The following BAIAP2 variants were observed in gnomAD, a reference collection of about 807,000 sequenced individuals.
BAIAP2 encodes the protein BAR/IMD domain-containing adapter protein 2.
BAIAP2 carries 18 observed loss-of-function variants against 63.0 expected under a neutral mutation model. That is an observed-to-expected ratio of 0.29 (90% CI 0.20 to 0.42). BAIAP2 has a LOEUF of 0.42. Ranked by LOEUF, BAIAP2 falls within the 10% of genes least tolerant of loss-of-function variation. The pLI is 1.00. For missense variants in BAIAP2, 610 were observed against 734.3 expected (o/e 0.83, Z 1.96); for synonymous variants, 386 against 307.6 (o/e 1.25, Z -2.67).
intron 3 of BAIAP2, among the ~76,000 whole-genome samples, chr17:81,084,173 C>T (rs762454306): frequency 6.6e-6 from 1 of 152,186 alleles, no homozygotes; most frequent in Non-Finnish European, 1.5e-5. Context: ...GGGCCCTCAG[C>T]GATGGCAAGG....
intron 13 of BAIAP2, chr17:81,110,319 C>T (rs2059765005): frequency 1.0e-6 from 1 of 986,336 alleles, no homozygotes. Context: ...CGCCGGCGTT[C>T]CCGCTCCGCT....
chr17:81,057,635 C>T, intron 2 of BAIAP2: 1 of 1,273,922 alleles, frequency 7.8e-7, no homozygotes. Flanking sequence ...TTGAATAGCT[C>T]AGGACCTGAA....
intron 1 of BAIAP2, among the ~76,000 whole-genome samples, chr17:81,036,487 G>C (rs1324358945): frequency 6.6e-6 from 1 of 152,276 alleles, no homozygotes; most frequent in Non-Finnish European, 1.5e-5. Context: ...TCAGGCTTGG[G>C]AGAGCCAGAT....
At chr17:81,110,235 C>A in intron 13 of BAIAP2, 1 of 985,168 alleles carries the variant, frequency 1.0e-6, no homozygotes, top group Non-Finnish European at 1.2e-6. Flanking sequence ...GTGTGGGAAG[C>A]AGCTCAAGAC....
rs149761763 is a variant in BAIAP2, at chr17:81,078,152, G to C, written c.218-6680G>C. Reference sequence around the variant, plus strand: ...CTGTGGGTGCAGGTGCCATCTCGGAGCTGGATGCTGTGGGTGCGGGTGCCG... The same window carrying C: ...CTGTGGGTGCAGGTGCCATCTCGGACCTGGATGCTGTGGGTGCGGGTGCCG... On this transcript the variant is annotated intron_variant, in intron 3 of 13. Transcript: ENST00000428708. 5.9e-3 allele frequency among the ~76,000 whole-genome samples: 874 copies of C among 147,868 alleles called. 4 individuals carry two copies. The highest frequency in any genetic ancestry group is 0.021 in the African/African-American group (833 of 39,778).
intron 7 of BAIAP2, among the ~76,000 whole-genome samples, chr17:81,101,532 C>A (rs2058478841): frequency 6.6e-6 from 1 of 152,156 alleles, no homozygotes; most frequent in Non-Finnish European, 1.5e-5. Context: ...CCAGGGAGGC[C>A]CTGGTCATGT....
At chr17:81,098,096 G>GGCCA (rs2057939959) in intron 6 of BAIAP2, 1 of 1,364,988 alleles carries the variant, frequency 7.3e-7, no homozygotes, top group African/African-American at 1.5e-5. Flanking sequence ...GTCATGGAGG[G>GGCCA]GCCAGCGGGG....
chr17:81,111,130 C>T (rs1235112601), intron 13 of BAIAP2, among the ~76,000 whole-genome samples: 1 of 152,204 alleles, frequency 6.6e-6, no homozygotes, highest in East Asian at 1.9e-4. Flanking sequence ...ACTGGGTCCC[C>T]TCCTTGGGTT....
At chr17:81,070,524 A>G (rs1362116839) in intron 3 of BAIAP2, among the ~76,000 whole-genome samples, 2 of 152,072 alleles carry the variant, frequency 1.3e-5, no homozygotes, top group Non-Finnish European at 2.9e-5. Context: ...TGGAGGGAGG[A>G]GAGAGGCACA....
rs1427691236 is a variant in BAIAP2, at chr17:81,048,743, T to C, written c.55-4925T>C. Among the ~76,000 whole-genome samples the C allele has an allele frequency of 3.3e-5, 5 of 152,112 alleles. No homozygotes were observed. In the East Asian group the frequency reaches 5.8e-4, roughly 18 times the overall value. ...ATGCATAGCTGGGGTCCCTGGGGGC[T>C]GTAGTAGGGACAGCTAGGGTCCCTG... is the stretch of plus-strand genomic sequence containing the variant. On this transcript the variant is annotated intron_variant, in intron 1 of 13. Coordinates refer to ENST00000428708, the MANE Select transcript of BAIAP2 (RefSeq NM_001144888.2).
intron 1 of BAIAP2, among the ~76,000 whole-genome samples, chr17:81,036,634 A>C (rs1049604609): frequency 3.3e-5 from 5 of 152,188 alleles, no homozygotes; most frequent in Non-Finnish European, 7.3e-5. Context: ...TGTGCGGTCG[A>C]CTAGATGAGT....
At chr17:81,081,197 T>C (rs751950951) in intron 3 of BAIAP2, among the ~76,000 whole-genome samples, 2 of 152,202 alleles carry the variant, frequency 1.3e-5, no homozygotes, top group Non-Finnish European at 2.9e-5. Flanking sequence ...GACAGTTCCC[T>C]GGAGGCTTCC....
chr17:81,070,521 A>G (rs879839402), intron 3 of BAIAP2, among the ~76,000 whole-genome samples: 11 of 152,084 alleles, frequency 7.2e-5, no homozygotes, highest in Admixed American at 1.3e-4. Context: ...CTTTGGAGGG[A>G]GGAGAGAGGC....
At chr17:81,104,470 C>T (rs770328234) in intron 9 of BAIAP2, 44 bp from the exon 10 acceptor site, 17 of 1,540,130 alleles carry the variant, frequency 1.1e-5, no homozygotes, top group Admixed American at 3.7e-5. Flanking sequence ...TTTGCTGCCC[C>T]GCCAGCCAGG....
chr17:81,085,580 T>C (rs2055456924), intron 4 of BAIAP2, 74 bp from the exon 5 acceptor site: 1 of 1,323,754 alleles, frequency 7.6e-7, no homozygotes, highest in African/African-American at 1.4e-5. Context: ...CCATCCGCTC[T>C]AGCCCTGCCC....
At chr17:81,051,993 C>T (rs555457842) in intron 1 of BAIAP2, among the ~76,000 whole-genome samples, 7 of 152,334 alleles carry the variant, frequency 4.6e-5, no homozygotes, top group East Asian at 3.9e-4. Flanking sequence ...TCTGACCCAG[C>T]GGAATCTCTT....
chr17:81,057,138 C>A (rs7502656), intron 2 of BAIAP2, among the ~76,000 whole-genome samples: 7,659 of 152,326 alleles, frequency 0.05, 280 homozygotes, highest in Admixed American at 0.11. Flanking sequence ...CTCCGGGGCC[C>A]TGCCCCGCCC....
intron 1 of BAIAP2, 59 bp downstream of exon 1, chr17:81,035,367 C>G: frequency 9.1e-7 from 1 of 1,104,474 alleles, no homozygotes. Context: ...TCGCGCGCCG[C>G]CCGCGCGCCC....
In BAIAP2 at chr17:81,108,526, A is replaced by T. The variant is rs1486969222; in HGVS notation, c.1535+17A>T. The T allele has an allele frequency of 1.9e-6, 3 of 1,613,588 alleles. No homozygotes were observed. The highest frequency in any genetic ancestry group is 3.3e-5 in the Admixed American group (2 of 59,998). ...CATGAGCAGGTAAGGGGACTTTCAG[A>T]CCTGTCTTTGGGACCGTGGGTGGGT... On this transcript the variant is annotated intron_variant, in intron 13 of 13. Transcript: ENST00000428708.
Sources: allele counts gnomAD v4.1 joint callset (sites outside exome capture counted in the v4.1 genomes callset), GRCh38; gene constraint gnomAD v4.1.1; transcripts MANE v1.5; gene names NCBI Gene and HGNC (gene_info 2026-07-23, HGNC 2026-07-21).